RP1L1: variants seen among roughly 807,000 people sequenced by gnomAD.
RP1L1 encodes RP1 like 1, also known as retinitis pigmentosa 1-like 1 protein.
In RP1L1, 27 loss-of-function variants were observed where a neutral mutation model predicts 15.7. The observed-to-expected ratio is 1.72, with a 90% CI of 1.27 to 2.38. The LOEUF is 2.38. RP1L1 is among the 30% of genes most tolerant of loss of function. RP1L1 has a pLI of 0.00. For missense variants in RP1L1, 4,798 were observed against 3,075.9 expected, an observed-to-expected ratio of 1.56 and a Z score of -13.24; for synonymous variants, 1,813 against 1,276.7, an observed-to-expected ratio of 1.42 and a Z score of -8.96.
intron 1 of RP1L1, among the ~76,000 whole-genome samples, chr8:10,642,129 T>C (rs1291171524): frequency 6.6e-6 from 1 of 152,192 alleles, no homozygotes; most frequent in East Asian, 1.9e-4. Flanking sequence ...TATTATTTCC[T>C]ACACCTGCGT....
intron 1 of RP1L1, among the ~76,000 whole-genome samples, chr8:10,634,114 A>C (rs766153203): frequency 1.1e-4 from 17 of 152,126 alleles, no homozygotes; most frequent in Non-Finnish European, 2.1e-4. Flanking sequence ...CGGTCTGAGT[A>C]AGAAGAGAAG....
rs1041597338 is a variant in RP1L1, at chr8:10,606,635, C to G, written c.*260G>C. ...TGCAGACAAATAAATAGGAGCCGGG[C>G]TGACCTCCGATAACCGGGCAGATCC... On this transcript the variant is annotated 3_prime_UTR_variant, in exon 4 of 4. Transcript: ENST00000382483. The G allele has an allele frequency of 1.8e-6, 1 of 542,060 alleles. No individual in the cohort carries two copies. The highest frequency in any genetic ancestry group is 3.2e-6 in the Non-Finnish European group (1 of 309,436). The allele number at this position is 542,060 out of a possible 1,614,324, so 33.6% of individuals were successfully genotyped here.
At position 10,622,673 on chromosome 8, in the gene RP1L1, T is replaced by A. The variant is rs377090097; in HGVS notation, c.529A>T (p.Asn177Tyr). The A allele has an allele frequency of 8.1e-6, 13 of 1,614,178 alleles. No homozygotes were observed. The highest frequency in any genetic ancestry group is 1.1e-5 in the Non-Finnish European group (13 of 1,180,038). The change falls in exon 2 of 4, where the codon AAC becomes TAC. Residue 177 changes from asparagine (N) to tyrosine (Y), a missense_variant. Physicochemically the swap from Asn to Tyr is moderately radical, Grantham distance 143. Transcript: ENST00000382483. ...TVVLSHRNTR[N>Y]LAAFLGKASD... ...GCTTTGCCGAGAAAGGCGGCCAGGT[T>A]CCTAGTATTCCTGTGACTGAGAACC...
chr8:10,652,117 G>A (rs949559582), intron 1 of RP1L1, among the ~76,000 whole-genome samples: 7 of 152,216 alleles, frequency 4.6e-5, no homozygotes, highest in Admixed American at 2.0e-4. Flanking sequence ...ATCTAGTTTC[G>A]TGCAAGTATA....
At chr8:10,653,459 A>ACACACACACAC (rs1798591518) in intron 1 of RP1L1, among the ~76,000 whole-genome samples, 1 of 148,716 alleles carries the variant, frequency 6.7e-6, no homozygotes, top group African/African-American at 2.5e-5. Context: ...GTCTCCCTCC[A>ACACACACACAC]ACACACACAC....
Position 10,612,270 on chromosome 8 carries a change from G to T in RP1L1, c.1828C>A (p.Pro610Thr). 1 of 1,613,198 alleles carries T rather than the reference G, an allele frequency of 6.2e-7. No individual in the cohort carries two copies. ...QATGAAVTRE[P>T]LVLGLSCSWD... ...GAGCAGGAAAGGCCCAGAACCAGAG[G>T]CTCCCTTGTCACAGCCGCTCCCGTG... is the stretch of plus-strand genomic sequence containing the variant. The change falls in exon 4 of 4, where the codon CCT (proline) becomes ACT (threonine). Residue 610 changes from proline to threonine, a missense_variant. Physicochemically the swap from Pro to Thr is conservative, Grantham distance 38. Transcript: ENST00000382483.
chr8:10,623,449 T>C (rs941013876), intron 1 of RP1L1, among the ~76,000 whole-genome samples: 1 of 152,130 alleles, frequency 6.6e-6, no homozygotes, highest in African/African-American at 2.4e-5. Flanking sequence ...CTCAGGAGTT[T>C]GAGGCTGTCC....
chr8:10,626,932 A>G (rs1481644375), intron 1 of RP1L1, among the ~76,000 whole-genome samples: 1 of 152,172 alleles, frequency 6.6e-6, no homozygotes, highest in African/African-American at 2.4e-5. Context: ...AAAAAAAAGG[A>G]GAGACCACAG....
intron 1 of RP1L1, among the ~76,000 whole-genome samples, chr8:10,623,768 C>T (rs1166251091): frequency 2.0e-5 from 3 of 151,932 alleles, no homozygotes; most frequent in Non-Finnish European, 4.4e-5. Context: ...TCCCCAGCAT[C>T]ACTATGTCCC....
intron 1 of RP1L1, among the ~76,000 whole-genome samples, chr8:10,648,837 A>T (rs565121614): frequency 6.6e-6 from 1 of 152,346 alleles, no homozygotes; most frequent in Non-Finnish European, 1.5e-5. Flanking sequence ...CCCCGTTCCC[A>T]GCATTTATCT....
In RP1L1 at chr8:10,611,199, C is replaced by T. The variant is rs201302817; in HGVS notation, c.2899G>A (p.Glu967Lys). 3,421 of 1,612,978 alleles carry T rather than the reference C, an allele frequency of 2.1e-3. 1 individual carries two copies. Among genetic ancestry groups the T allele is most frequent in the Non-Finnish European group, 2.7e-3 (3,174 of 1,180,024 alleles). Residue 967 changes from glutamate to lysine, a missense_variant, in exon 4 of 4, where the codon GAG (glutamate) becomes AAG (lysine). Glu to Lys is a moderately conservative substitution (Grantham distance 56, BLOSUM62 1). Transcript: ENST00000382483. ...VREWLDNIPE[E>K]PILMTYELAD... Reference sequence around the variant, plus strand: ...AACTCATATGTCATGAGTATGGGCTCTTCTGGAATGTTGTCCAGCCATTCG... The same window carrying T: ...AACTCATATGTCATGAGTATGGGCTTTTCTGGAATGTTGTCCAGCCATTCG...
chr8:10,645,105 T>A (rs926987757), intron 1 of RP1L1, among the ~76,000 whole-genome samples: 9 of 151,916 alleles, frequency 5.9e-5, no homozygotes, highest in African/African-American at 2.2e-4. Context: ...GGCAGGAGGG[T>A]CACTTAAGGC....
At position 10,611,130 on chromosome 8, in the gene RP1L1, G is replaced by T. The variant is rs767177199; in HGVS notation, c.2968C>A (p.Pro990Thr). Residue 990 changes from proline (P) to threonine (T), a missense_variant, in exon 4 of 4, where the codon CCC becomes ACC. By Grantham distance (38) the Pro-to-Thr change is conservative. Transcript: ENST00000382483. ...TGAAGGGLRG[P>T]EVDPGDDHSL... ...TGGTCATCCCCAGGGTCCACCTCGG[G>T]GCCTCTCAGGCCACCCCCAGCTGCA... is the stretch of plus-strand genomic sequence containing the variant. 6.2e-7 allele frequency: 1 copy of T among 1,612,888 alleles called. No homozygotes were observed. The highest frequency in any genetic ancestry group is 8.5e-7 in the Non-Finnish European group (1 of 1,180,000).
At position 10,607,680 on chromosome 8, in the gene RP1L1, C is replaced by A. The variant is rs72494282; in HGVS notation, c.6418G>T (p.Glu2140Ter). The change falls in exon 4 of 4, where the codon GAG becomes TAG. Residue 2140 changes from glutamate to a stop codon, truncating the protein, a stop_gained. Coordinates refer to ENST00000382483, the MANE Select transcript of RP1L1 (RefSeq NM_178857.6). LOFTEE classifies it low-confidence loss of function (END_TRUNC). ...ACACCTTCTGACTCAGGCTGGGCCT[C>A]CCCTTCAGCCTCTGGGGCCTCTATA... ...EGIEAPEAEGEAQPESEGVEA... is the reference protein window; with the variant it reads ...EGIEAPEAEG 9.4e-6 allele frequency: 15 copies of A among 1,602,372 alleles called. No homozygotes were observed. The East Asian group carries it at 3.4e-4, about 36-fold the overall frequency.
Position 10,609,180 on chromosome 8 carries a change from T to G in RP1L1, c.4918A>C (p.Ser1640Arg), listed in dbSNP as rs762773607. Residue 1640 changes from serine (S) to arginine (R), a missense_variant, in exon 4 of 4, where the codon AGC becomes CGC. Transcript: ENST00000382483. ...CCCAGCTGGCTCCCCAGGGCTGTGC[T>G]GAGGGCTGGCTCGTCCTCCAGGGTG... The part of the protein sequence containing the change: ...SFTLEDEPAL[S>R]TALGSQLGEE... 12 of 1,612,048 alleles carry G rather than the reference T, an allele frequency of 7.4e-6. No individual in the cohort carries two copies. The highest frequency in any genetic ancestry group is 1.0e-5 in the Non-Finnish European group (12 of 1,179,538).
intron 1 of RP1L1, among the ~76,000 whole-genome samples, chr8:10,649,802 G>C (rs1038172321): frequency 6.6e-6 from 1 of 152,170 alleles, no homozygotes; most frequent in African/African-American, 2.4e-5. Context: ...CGGGATTACA[G>C]ATGTGCAAGC....
chr8:10,616,833 C>T (rs1029941693), intron 2 of RP1L1, among the ~76,000 whole-genome samples: 48 of 152,326 alleles, frequency 3.2e-4, no homozygotes, highest in African/African-American at 1.1e-3. Flanking sequence ...AGGCGTGAGG[C>T]CCGTGATCAA....
chr8:10,639,787 G>C (rs775369547), intron 1 of RP1L1, among the ~76,000 whole-genome samples: 6 of 151,900 alleles, frequency 3.9e-5, no homozygotes, highest in Non-Finnish European at 8.8e-5. Flanking sequence ...TTTATTTCAA[G>C]GAATCCCCAC....
chr8:10,637,272 G>A (rs980104467), intron 1 of RP1L1, among the ~76,000 whole-genome samples: 1 of 152,136 alleles, frequency 6.6e-6, no homozygotes, highest in African/African-American at 2.4e-5. Flanking sequence ...GCGCAGAGTG[G>A]CAAGGTCCTC....
Sources: gnomAD v4.1 joint callset for allele counts (sites outside exome capture counted in the v4.1 genomes callset) on GRCh38, gnomAD v4.1.1 for gene constraint, MANE v1.5 for transcripts, NCBI Gene and HGNC (gene_info 2026-07-23, HGNC 2026-07-21) for gene names.